KYAT1: variants seen among roughly 807,000 people sequenced by gnomAD.
The protein encoded by KYAT1 is kynurenine--oxoglutarate transaminase 1.
A neutral mutation model predicts 52.4 loss-of-function variants in KYAT1; 47 were observed. The ratio of observed to expected loss-of-function variants is 0.90; its 90% CI spans 0.71 to 1.14. The LOEUF (loss-of-function observed/expected upper bound fraction) is 1.14, where lower values mean the gene tolerates loss of function less well. Ranked by LOEUF, KYAT1 falls within the 50% of genes most tolerant of loss-of-function variation. KYAT1 has a pLI of 0.00. For missense variants in KYAT1, 480 were observed against 557.9 expected, an observed-to-expected ratio of 0.86 and a Z score of 1.41; for synonymous variants, 212 against 209.6, an observed-to-expected ratio of 1.01 and a Z score of -0.10.
At chr9:128,855,456 C>T (rs1264867946) in intron 1 of KYAT1, among the ~76,000 whole-genome samples, 1 of 152,206 alleles carries the variant, frequency 6.6e-6, no homozygotes, top group Non-Finnish European at 1.5e-5. Flanking sequence ...AGAATTTGGT[C>T]TGGAAATCAA....
intron 1 of KYAT1, among the ~76,000 whole-genome samples, chr9:128,866,536 T>C (rs1363451702): frequency 6.6e-6 from 1 of 151,908 alleles, no homozygotes; most frequent in Non-Finnish European, 1.5e-5. Context: ...GAAGTGGAGG[T>C]TGCAGTGAGC....
chr9:128,878,308 T>C (rs964979863), intron 1 of KYAT1, among the ~76,000 whole-genome samples: 3 of 151,992 alleles, frequency 2.0e-5, no homozygotes, highest in African/African-American at 4.8e-5. Context: ...CTAATTTTTG[T>C]ATTTTTGATA....
intron 11 of KYAT1, among the ~76,000 whole-genome samples, chr9:128,834,535 T>A (rs1830657106): frequency 6.6e-6 from 1 of 150,910 alleles, no homozygotes; most frequent in Admixed American, 6.6e-5. Flanking sequence ...TAGAAACAGG[T>A]TCCTCAGGCC....
At chr9:128,835,694 T>C (rs1276820110) in intron 9 of KYAT1, 27 bp from the exon 10 acceptor site, 2 of 1,608,132 alleles carry the variant, frequency 1.2e-6, no homozygotes, top group Admixed American at 1.7e-5. Flanking sequence ...GACACACAGA[T>C]AGATCAGCTG....
Position 128,837,772 on chromosome 9 carries a change from C to T in KYAT1, c.480G>A (p.Trp160Ter). 1 of 1,614,018 alleles carries T rather than the reference C, an allele frequency of 6.2e-7. No homozygotes were observed. The highest frequency in any genetic ancestry group is 8.5e-7 in the Non-Finnish European group (1 of 1,179,964). Residue 160 changes from tryptophan (W) to a stop codon, truncating the protein, a stop_gained, in exon 6 of 13, where the codon TGG becomes TGA. Coordinates refer to ENST00000302586, the MANE Select transcript of KYAT1 (RefSeq NM_004059.5). LOFTEE classifies it high-confidence loss of function. ...CGGCCAGCTCCATGGGGTCCAGCTG[C>T]CAGTTGCTGCTGGAACCCAGTTCTC... ...QNGELGSSSN[W>*]QLDPMELAGK...
chr9:128,834,631 C>T (rs1830674012), intron 11 of KYAT1, among the ~76,000 whole-genome samples: 1 of 150,946 alleles, frequency 6.6e-6, no homozygotes, highest in Non-Finnish European at 1.5e-5. Flanking sequence ...GGAGACTAGC[C>T]TGACCAACAT....
rs114261597 is a variant in KYAT1 at position 128,875,876 on chromosome 9, C to T, written c.-7+6021G>A. 2.6e-3 allele frequency among the ~76,000 whole-genome samples: 399 copies of T among 152,258 alleles called. 5 individuals are homozygous for T. The highest frequency in any genetic ancestry group is 8.6e-3 in the African/African-American group (359 of 41,556). ...GCAGCTACTGGCCATTTGCTTGACC[C>T]GAAGGCAGTGGATGACCCCTGGGCC... On this transcript the variant is annotated intron_variant, in intron 1 of 12. Transcript: ENST00000302586.
At chr9:128,844,200 G>A (rs750184869) in intron 2 of KYAT1, among the ~76,000 whole-genome samples, 1 of 152,192 alleles carries the variant, frequency 6.6e-6, no homozygotes, top group Non-Finnish European at 1.5e-5. Flanking sequence ...TTGGAGCAGA[G>A]TGAAGACCTG....
At chr9:128,861,928 G>T (rs1355752691) in intron 1 of KYAT1, among the ~76,000 whole-genome samples, 3 of 152,176 alleles carry the variant, frequency 2.0e-5, no homozygotes, top group African/African-American at 7.2e-5. Context: ...GCCATTTCCT[G>T]TCCTAGACCC....
intron 1 of KYAT1, among the ~76,000 whole-genome samples, chr9:128,874,029 G>A (rs1394621925): frequency 6.6e-6 from 1 of 151,730 alleles, no homozygotes; most frequent in Non-Finnish European, 1.5e-5. Flanking sequence ...GCCGAGGCGG[G>A]TGGATCACCT....
intron 1 of KYAT1, among the ~76,000 whole-genome samples, chr9:128,851,779 A>C (rs1367185421): frequency 6.6e-6 from 1 of 152,250 alleles, no homozygotes; most frequent in African/African-American, 2.4e-5. Flanking sequence ...TATGTAGCAG[A>C]GCCGGTAATG....
intron 2 of KYAT1, among the ~76,000 whole-genome samples, chr9:128,843,915 T>C (rs945444354): frequency 6.6e-6 from 1 of 152,216 alleles, no homozygotes. Flanking sequence ...AGGCACATCT[T>C]GTTCCTGGAC....
chr9:128,843,956 C>A (rs1049988368), intron 2 of KYAT1, among the ~76,000 whole-genome samples: 11 of 152,182 alleles, frequency 7.2e-5, no homozygotes, highest in African/African-American at 2.7e-4. Flanking sequence ...GAGTGACTTG[C>A]CTAAAGCCTC....
At chr9:128,873,866 A>G (rs922502250) in intron 1 of KYAT1, among the ~76,000 whole-genome samples, 1 of 151,804 alleles carries the variant, frequency 6.6e-6, no homozygotes, top group Non-Finnish European at 1.5e-5. Context: ...GAATCGCTTC[A>G]ACCTGGGAGG....
chr9:128,833,734 C>G lies in KYAT1; in HGVS notation c.1209+6G>C. 1 of 1,614,072 alleles carries G rather than the reference C, an allele frequency of 6.2e-7. No homozygotes were observed. The highest frequency in any genetic ancestry group is 2.2e-5 in the East Asian group (1 of 44,902). On this transcript the variant is annotated splice_donor_region_variant and intron_variant, in intron 12 of 12. Coordinates refer to ENST00000302586, the MANE Select transcript of KYAT1 (RefSeq NM_004059.5). ...AGGTCTTTCCTCCCCCAGCCCTGCC[C>G]TTTACCTTCACAAAACAGAAGCGGA...
At chr9:128,849,883 C>CTTTTTTTTTT (rs537211110) in intron 1 of KYAT1, among the ~76,000 whole-genome samples, 2 of 91,962 alleles carry the variant, frequency 2.2e-5, no homozygotes, top group Admixed American at 1.4e-4. Flanking sequence ...TTATTTTCTT[C>CTTTTTTTTTT]TTTTTTTTTT....
At chr9:128,860,505 AC>A (rs1431006778) in intron 1 of KYAT1, 1 of 150,938 alleles carries the variant, frequency 6.6e-6, no homozygotes, top group African/African-American at 2.4e-5. Flanking sequence ...GCAGCAGGTT[AC>A]CCTGTGACCT....
intron 1 of KYAT1, among the ~76,000 whole-genome samples, chr9:128,865,359 A>ATATATAT (rs1836206985): frequency 3.7e-5 from 1 of 27,308 alleles, no homozygotes; most frequent in Non-Finnish European, 5.3e-5. Flanking sequence ...ATATATATAT[A>ATATATAT]TTTTTTTTTT....
intron 1 of KYAT1, among the ~76,000 whole-genome samples, chr9:128,868,634 TC>T (rs1200433375): frequency 6.6e-6 from 1 of 151,152 alleles, no homozygotes; most frequent in Non-Finnish European, 1.5e-5. Context: ...TCTCATAGAG[TC>T]AAGCAATCTT....
Sources: gnomAD v4.1 joint callset for allele counts (sites outside exome capture counted in the v4.1 genomes callset) on GRCh38, gnomAD v4.1.1 for gene constraint, MANE v1.5 for transcripts, NCBI Gene and HGNC (gene_info 2026-07-23, HGNC 2026-07-21) for gene names.